Variants in PLEKHG1 observed in about 807,000 individuals in gnomAD.
PLEKHG1 encodes pleckstrin homology and RhoGEF domain containing G1, also known as pleckstrin homology domain-containing family G member 1.
Under a neutral mutation model 100.8 loss-of-function variants are expected in PLEKHG1, and 44 were observed. The ratio of observed to expected loss-of-function variants is 0.44; its 90% CI spans 0.34 to 0.56. The LOEUF (loss-of-function observed/expected upper bound fraction) is 0.56. Ranked by LOEUF, PLEKHG1 falls within the 20% of genes least tolerant of loss-of-function variation. The pLI is 0.01. For synonymous variants in PLEKHG1, 640 were observed against 662.5 expected, an observed-to-expected ratio of 0.97 and a Z score of 0.52; for missense variants, 1,545 against 1,720.9, an observed-to-expected ratio of 0.90 and a Z score of 1.81.
At chr6:150,827,990 TGGC>T (rs202170121) in intron 14 of PLEKHG1, 44,683 of 1,609,258 alleles carry the variant, frequency 0.028, 660 homozygotes, top group South Asian at 0.031. Context: ...TTACCAAAGC[TGGC>T]GAGGGCTTGT....
intron 3 of PLEKHG1, among the ~76,000 whole-genome samples, chr6:150,716,040 G>A (rs1266518298): frequency 4.5e-4 from 67 of 149,288 alleles, no homozygotes; most frequent in Non-Finnish European, 8.2e-4. Context: ...CCCGGGAGGC[G>A]GAGCTTGCAG....
At chr6:150,834,252 C>T (rs1777110134) in intron 15 of PLEKHG1, among the ~76,000 whole-genome samples, 1 of 152,274 alleles carries the variant, frequency 6.6e-6, no homozygotes, top group East Asian at 1.9e-4. Context: ...GCTAGCGTTG[C>T]TAAGCTGGTT....
rs182863485 is a variant in PLEKHG1 at position 150,627,085 on chromosome 6, C to A, written c.-203-10995C>A. Among the ~76,000 whole-genome samples, 76 of 147,038 alleles carry A rather than the reference C, an allele frequency of 5.2e-4. 1 individual carries two copies. The highest frequency in any genetic ancestry group is 2.0e-3 in the African/African-American group (74 of 36,700). On this transcript the variant is annotated intron_variant, in intron 1 of 3. Coordinates refer to the PLEKHG1 transcript ENST00000367326. The stretch of plus-strand genomic sequence containing the variant: ...AGGGAAGAAGAATTTGCTCGTGAAC[C>A]CTGTTTCAAGAGATGTGATACAACA...
intron 2 of PLEKHG1, among the ~76,000 whole-genome samples, chr6:150,758,006 G>T (rs1350424159): frequency 1.3e-5 from 2 of 152,130 alleles, no homozygotes; most frequent in African/African-American, 2.4e-5. Context: ...CTCCATCCAT[G>T]ATTTCATTCC....
chr6:150,765,791 T>G (rs1324251458), intron 2 of PLEKHG1, among the ~76,000 whole-genome samples: 2 of 152,202 alleles, frequency 1.3e-5, no homozygotes, highest in South Asian at 2.1e-4. Context: ...AGAAGAAGAA[T>G]AAGATGTACA....
intron 2 of PLEKHG1, among the ~76,000 whole-genome samples, chr6:150,742,281 G>A (rs1174858658): frequency 3.3e-5 from 5 of 152,136 alleles, no homozygotes; most frequent in Non-Finnish European, 7.4e-5. Context: ...AGGAGAGAAC[G>A]TGGTGGCCAG....
intron 2 of PLEKHG1, among the ~76,000 whole-genome samples, chr6:150,758,412 C>T (rs1783970842): frequency 2.6e-5 from 4 of 151,948 alleles, no homozygotes; most frequent in African/African-American, 9.7e-5. Flanking sequence ...TCTTGGCTCA[C>T]TGCAACCTCT....
intron 3 of PLEKHG1, among the ~76,000 whole-genome samples, chr6:150,687,821 T>C (rs991638505): frequency 7.9e-5 from 12 of 152,332 alleles, no homozygotes; most frequent in Admixed American, 2.6e-4. Context: ...CAAATATGTA[T>C]TGAAAGCAAA....
chr6:150,751,208 G>A (rs892256728), intron 2 of PLEKHG1, among the ~76,000 whole-genome samples: 35 of 151,992 alleles, frequency 2.3e-4, no homozygotes, highest in Non-Finnish European at 4.9e-4. Context: ...TAATTTACCT[G>A]ACGTGTCTTC....
chr6:150,779,647 G>A lies in PLEKHG1; in HGVS notation c.513-6743G>A, dbSNP rs376923712. On this transcript the variant is annotated intron_variant, in intron 3 of 15. Coordinates refer to ENST00000358517, the Ensembl canonical transcript of PLEKHG1. ...AGGCATGAGCCACCATGCCTGGCCT[G>A]CCAAGAAGTGTTTCTGTTGTGCTAT... 5.1e-4 allele frequency among the ~76,000 whole-genome samples: 77 copies of A among 150,036 alleles called. 1 individual carries two copies. The highest frequency in any genetic ancestry group is 1.8e-3 in the African/African-American group (72 of 41,090).
chr6:150,741,390 G>T (rs1583037521), intron 2 of PLEKHG1, among the ~76,000 whole-genome samples: 1 of 152,120 alleles, frequency 6.6e-6, no homozygotes, highest in Non-Finnish European at 1.5e-5. Context: ...TGAGTGTCTT[G>T]TGACATCTTA....
At chr6:150,820,291 T>G (rs1299673685) in intron 12 of PLEKHG1, among the ~76,000 whole-genome samples, 1 of 152,220 alleles carries the variant, frequency 6.6e-6, no homozygotes, top group Non-Finnish European at 1.5e-5. Context: ...TTGTACATCT[T>G]ACCATTGACA....
intron 1 of PLEKHG1, among the ~76,000 whole-genome samples, chr6:150,633,545 A>G (rs1777852108): frequency 6.6e-6 from 1 of 152,166 alleles, no homozygotes; most frequent in Non-Finnish European, 1.5e-5. Flanking sequence ...GGCACTGGGA[A>G]ACATAAGTCT....
At chr6:150,764,846 ATC>A (rs1300883229) in intron 2 of PLEKHG1, among the ~76,000 whole-genome samples, 2 of 151,424 alleles carry the variant, frequency 1.3e-5, no homozygotes, top group African/African-American at 4.9e-5. Context: ...TGTGAACTGA[ATC>A]TCTATCAGTC....
At chr6:150,668,845 C>G (rs1462345378) in intron 3 of PLEKHG1, among the ~76,000 whole-genome samples, 2 of 151,900 alleles carry the variant, frequency 1.3e-5, no homozygotes, top group Non-Finnish European at 1.5e-5. Context: ...CTCTCTAGTC[C>G]CCCTGCTTTG....
chr6:150,607,424 A>G (rs898363106), intron 1 of PLEKHG1, among the ~76,000 whole-genome samples: 5 of 152,188 alleles, frequency 3.3e-5, no homozygotes, highest in Admixed American at 2.0e-4. Context: ...AGGCATAAAT[A>G]TACGATCCTG....
At chr6:150,769,937 C>T (rs139380209) in intron 3 of PLEKHG1, among the ~76,000 whole-genome samples, 60 of 152,204 alleles carry the variant, frequency 3.9e-4, no homozygotes, top group African/African-American at 1.3e-3. Context: ...ACATTTGCTC[C>T]ACAAGGACAG....
At chr6:150,679,184 G>A (rs1187398015) in intron 3 of PLEKHG1, among the ~76,000 whole-genome samples, 1 of 152,158 alleles carries the variant, frequency 6.6e-6, no homozygotes, top group Non-Finnish European at 1.5e-5. Context: ...TAAAGGTTTG[G>A]CATGAGTAAG....
At chr6:150,734,612 G>A (rs1338953719) in intron 2 of PLEKHG1, among the ~76,000 whole-genome samples, 1 of 152,182 alleles carries the variant, frequency 6.6e-6, no homozygotes, top group Non-Finnish European at 1.5e-5. Context: ...TGATTTTAAT[G>A]TGCAGAGAGG....
Sources: gnomAD v4.1 joint callset for allele counts (sites outside exome capture counted in the v4.1 genomes callset) on GRCh38, gnomAD v4.1.1 for gene constraint, MANE v1.5 for transcripts, NCBI Gene and HGNC (gene_info 2026-07-23, HGNC 2026-07-21) for gene names.